ANKRD36C: variants seen among roughly 807,000 people sequenced by gnomAD.
The protein encoded by ANKRD36C is ankyrin repeat domain 36C.
In ANKRD36C, 61 loss-of-function variants were observed where a neutral mutation model predicts 276.4. The observed-to-expected ratio is 0.22, with a 90% CI of 0.18 to 0.27. The LOEUF (loss-of-function observed/expected upper bound fraction) is 0.27, where lower values mean the gene tolerates loss of function less well. Among genes scored for constraint, ANKRD36C ranks in the 10% least tolerant of loss-of-function variants. The probability of loss-of-function intolerance (pLI) is 1.00; values close to 1 mark genes in which losing one functional copy is unlikely to be tolerated. For synonymous variants in ANKRD36C, 483 were observed against 680.1 expected, an observed-to-expected ratio of 0.71 and a Z score of 4.51; for missense variants, 1,447 against 2,032.3, an observed-to-expected ratio of 0.71 and a Z score of 5.54.
intron 34 of ANKRD36C, among the ~76,000 whole-genome samples, chr2:95,920,370 G>A (rs1481995952): frequency 7.6e-6 from 1 of 132,038 alleles, no homozygotes; most frequent in Non-Finnish European, 1.7e-5. Flanking sequence ...CAATAACTGA[G>A]AAGGCACACA....
At chr2:95,851,810 A>G (rs752133034) in intron 65 of ANKRD36C, 23 bp from the exon 86 acceptor site, 3 of 1,519,326 alleles carry the variant, frequency 2.0e-6, no homozygotes, top group South Asian at 2.5e-5. Context: ...TTTTAAAATA[A>G]TTACTCTCAC....
Position 95,910,462 on chromosome 2 carries a change from A to G in ANKRD36C, c.2653+1782T>C. 1.3e-6 allele frequency: 2 copies of G among 1,583,366 alleles called. No individual in the cohort carries two copies. Among genetic ancestry groups the G allele is most frequent in the African/African-American group, 2.7e-5 (2 of 73,624 alleles). ...ACTTGTAGCCTGAATAGAATTTGAAACGAAATAATAAATAAATAAAGTATG... is the reference window on the plus strand; with the variant it reads ...ACTTGTAGCCTGAATAGAATTTGAAGCGAAATAATAAATAAATAAAGTATG... On this transcript the variant is annotated intron_variant, in intron 42 of 66. Coordinates refer to ENST00000456556, the Ensembl canonical transcript of ANKRD36C.
intron 59 of ANKRD36C, 27 bp from the exon 80 acceptor site, chr2:95,867,608 A>G (rs1256582188): frequency 3.2e-6 from 4 of 1,252,436 alleles, no homozygotes; most frequent in Non-Finnish European, 4.4e-6. Flanking sequence ...ACTGTTTCAA[A>G]ATGTCCCCAA....
exon 12 of ANKRD36C, chr2:95,958,655 A>C: frequency 6.4e-7 from 1 of 1,551,614 alleles, no homozygotes; most frequent in East Asian, 2.4e-5. Context: ...CGTTCTTGTC[A>C]CTTGTATCCT....
rs1330770592 is a variant in ANKRD36C, at chr2:95,917,739, T to A, written c.2347+116A>T. The stretch of plus-strand genomic sequence containing the variant: ...AATGAAGACTCTCAGGACTGCTGGA[T>A]CAGAATGTGCAGCTTTGGCGAGCAC... On this transcript the variant is annotated intron_variant, in intron 36 of 66. Coordinates refer to ENST00000456556, the Ensembl canonical transcript of ANKRD36C. The A allele has an allele frequency of 5.3e-6, 7 of 1,319,990 alleles. No individual in the cohort carries two copies. The East Asian group carries it at 1.5e-4, about 29-fold the overall frequency. 81.8% of individuals were successfully genotyped at this position (1,319,990 alleles called of 1,614,324 possible).
intron 13 of ANKRD36C, among the ~76,000 whole-genome samples, chr2:95,954,721 A>T (rs1449382627): frequency 6.6e-6 from 1 of 152,220 alleles, no homozygotes; most frequent in African/African-American, 2.4e-5. Context: ...ATCCTGCTTT[A>T]TTCAGATCCA....
chr2:95,891,176 A>C (rs1451995448), intron 46 of ANKRD36C, among the ~76,000 whole-genome samples: 6 of 151,510 alleles, frequency 4.0e-5, no homozygotes, highest in East Asian at 2.0e-4. Flanking sequence ...ATATAAAAGA[A>C]TTCCTCTTTT....
chr2:95,879,107 T>C (rs11683523), intron 58 of ANKRD36C, among the ~76,000 whole-genome samples: 42,989 of 152,060 alleles, frequency 0.28, 6,934 homozygotes, highest in East Asian at 0.49. Flanking sequence ...GATACATATA[T>C]GGCTCAGCCA....
At chr2:95,927,097 A>G in intron 28 of ANKRD36C, 117 bp downstream of exon 28, 3 of 1,430,246 alleles carry the variant, frequency 2.1e-6, no homozygotes, top group South Asian at 1.2e-5. Flanking sequence ...GAAGAATCTC[A>G]GGCCTGCTGA....
chr2:95,891,979 G>A, intron 44 of ANKRD36C, 119 bp from the exon 65 acceptor site: 1 of 1,495,150 alleles, frequency 6.7e-7, no homozygotes, highest in Non-Finnish European at 9.1e-7. Context: ...AGGCTTTGAT[G>A]GCTTCTACTT....
rs538149025 is a variant in ANKRD36C, at chr2:95,855,224, C to T, written c.4995+42G>A. 5.1e-5 allele frequency: 77 copies of T among 1,501,140 alleles called. No individual in the cohort carries two copies. The East Asian group carries it at 1.7e-3, about 34-fold the overall frequency. The allele number at this position is 1,501,140 out of a possible 1,614,324, so 93.0% of individuals were successfully genotyped here. A position where few individuals can be genotyped will look rare whatever the true frequency, so the allele number is the denominator to read the frequency against. On this transcript the variant is annotated intron_variant, in intron 63 of 66. Coordinates refer to ENST00000456556, the Ensembl canonical transcript of ANKRD36C. The stretch of plus-strand genomic sequence containing the variant: ...TAACCAAATATTACTTTAAATTTTA[C>T]TTCAGGAAGTTTGAAAAATACTTAT...
At chr2:95,964,364 C>G (rs1440634700) in intron 6 of ANKRD36C, among the ~76,000 whole-genome samples, 1 of 151,758 alleles carries the variant, frequency 6.6e-6, no homozygotes, top group Non-Finnish European at 1.5e-5. Context: ...TCATCAGAAA[C>G]CTCCAAATTA....
exon 8 of ANKRD36C, chr2:95,962,371 A>G (rs2104507428): frequency 6.4e-7 from 1 of 1,558,206 alleles, no homozygotes; most frequent in Non-Finnish European, 8.7e-7. Flanking sequence ...ATTTTTGTCC[A>G]TCCTTTATTT....
At chr2:95,889,104 A>T (rs113228551) in intron 48 of ANKRD36C, among the ~76,000 whole-genome samples, 1 of 151,502 alleles carries the variant, frequency 6.6e-6, no homozygotes, top group Non-Finnish European at 1.5e-5. Flanking sequence ...CAACAAAACA[A>T]GTATCTCTGA....
At chr2:95,881,745 G>A (rs1161908521) in intron 56 of ANKRD36C, among the ~76,000 whole-genome samples, 1 of 150,368 alleles carries the variant, frequency 6.7e-6, no homozygotes, top group Non-Finnish European at 1.5e-5. Flanking sequence ...AAATGCATCT[G>A]AAGTGAGTTC....
At chr2:95,903,243 G>A (rs1456579128) in intron 42 of ANKRD36C, among the ~76,000 whole-genome samples, 162 bp from the exon 53 acceptor site, 1 of 150,596 alleles carries the variant, frequency 6.6e-6, no homozygotes, top group African/African-American at 2.4e-5. Context: ...ACGGAAATAT[G>A]CTGAGAAAAG....
At chr2:95,888,528 C>T (rs1431260338) in intron 48 of ANKRD36C, among the ~76,000 whole-genome samples, 4 of 151,686 alleles carry the variant, frequency 2.6e-5, no homozygotes, top group Non-Finnish European at 5.9e-5. Context: ...CATTATAGTA[C>T]AAACATTCAT....
exon 63 of ANKRD36C, chr2:95,855,766 A>G: frequency 6.2e-7 from 1 of 1,613,858 alleles, no homozygotes. Context: ...AAATGACAAC[A>G]TTTATCTACT....
At chr2:95,949,615 TA>T (rs1445394341) in intron 16 of ANKRD36C, among the ~76,000 whole-genome samples, 7 of 152,260 alleles carry the variant, frequency 4.6e-5, no homozygotes, top group African/African-American at 1.7e-4. Flanking sequence ...TTTCTAAAAC[TA>T]AAATCACTCA....
Sources: gnomAD v4.1 joint callset for allele counts (sites outside exome capture counted in the v4.1 genomes callset) on GRCh38, gnomAD v4.1.1 for gene constraint, MANE v1.5 for transcripts, NCBI Gene and HGNC (gene_info 2026-07-23, HGNC 2026-07-21) for gene names.